CDK18: variants seen among roughly 807,000 people sequenced by gnomAD.
CDK18 encodes cyclin dependent kinase 18, also known as cyclin-dependent kinase 18.
CDK18 carries 52 observed loss-of-function variants against 62.0 expected under a neutral mutation model. That is an observed-to-expected ratio of 0.84 (90% CI 0.67 to 1.06). The LOEUF (loss-of-function observed/expected upper bound fraction) is 1.06, where lower values mean the gene tolerates loss of function less well. CDK18 is among the 50% of genes least tolerant of loss of function. The pLI, the probability that CDK18 is intolerant of heterozygous loss-of-function variation, is 0.00. For synonymous variants in CDK18, 237 were observed against 247.0 expected (o/e 0.96, Z 0.38); for missense variants, 604 against 619.9 (o/e 0.97, Z 0.27).
chr1:205,522,364 G>T (rs887729424), intron 1 of CDK18: 1 of 152,130 alleles, frequency 6.6e-6, no homozygotes, highest in Non-Finnish European at 1.5e-5. Flanking sequence ...GGCCTGCAGG[G>T]ATCAAGCCTC....
chr1:205,530,509 G>C, intron 14 of CDK18, 119 bp from the exon 15 acceptor site: 1 of 1,207,574 alleles, frequency 8.3e-7, no homozygotes, highest in Non-Finnish European at 1.2e-6. Context: ...TCCAAATTGA[G>C]GGGGCAAACA....
At chr1:205,531,237 C>T (rs1668720576) in intron 15 of CDK18, 107 bp from the exon 16 acceptor site, 1 of 1,000,308 alleles carries the variant, frequency 1.0e-6, no homozygotes. Flanking sequence ...CATGCCCTTG[C>T]TTGCTCTGTC....
chr1:205,506,682 G>A (rs1241851623), intron 1 of CDK18, among the ~76,000 whole-genome samples: 1 of 152,214 alleles, frequency 6.6e-6, no homozygotes, highest in Non-Finnish European at 1.5e-5. Context: ...CCAAGCCCCT[G>A]CTGTTAACCC....
chr1:205,513,375 C>A (rs1667661055), intron 1 of CDK18, among the ~76,000 whole-genome samples: 1 of 152,212 alleles, frequency 6.6e-6, no homozygotes, highest in Admixed American at 6.5e-5. Flanking sequence ...ACGCCCAGGA[C>A]CAGAACTGAC....
intron 1 of CDK18, among the ~76,000 whole-genome samples, chr1:205,507,208 A>T (rs1667349051): frequency 1.3e-5 from 2 of 152,154 alleles, no homozygotes; most frequent in African/African-American, 4.8e-5. Flanking sequence ...GGGAGGGCAA[A>T]CTTCTGGCCT....
At chr1:205,529,711 A>G in intron 13 of CDK18, 148 bp downstream of exon 13, 1 of 1,543,144 alleles carries the variant, frequency 6.5e-7, no homozygotes, top group Non-Finnish European at 8.7e-7. Flanking sequence ...CCCAAGGCCA[A>G]GGGGTGGCCT....
At chr1:205,518,895 G>A (rs1667969195) in intron 1 of CDK18, among the ~76,000 whole-genome samples, 1 of 152,188 alleles carries the variant, frequency 6.6e-6, no homozygotes, top group Admixed American at 6.5e-5. Context: ...TGAGCTTTAT[G>A]ACTTACCTGG....
At chr1:205,526,033 G>C (rs769852951) in intron 5 of CDK18, 32 bp from the exon 6 acceptor site, 1 of 1,532,896 alleles carries the variant, frequency 6.5e-7, no homozygotes, top group Non-Finnish European at 9.0e-7. Context: ...GCACCTGAAT[G>C]CGCCTGGGGC....
chr1:205,506,100 C>A (rs967276891), intron 1 of CDK18, among the ~76,000 whole-genome samples: 1 of 152,210 alleles, frequency 6.6e-6, no homozygotes, highest in East Asian at 1.9e-4. Context: ...TGGACTGGCA[C>A]GTCCTCAGAG....
Position 205,523,189 on chromosome 1 carries a change from A to T in CDK18, c.22A>T (p.Asn8Tyr). 6.2e-7 allele frequency: 1 copy of T among 1,612,820 alleles called. No homozygotes were observed. The highest frequency in any genetic ancestry group is 1.1e-5 in the South Asian group (1 of 90,926). MIMNKMK[N>Y]FKRRFSLSVP... is the part of the protein sequence containing the mutation. ...CCTCATGATCATGAACAAGATGAAG[A>T]ACTTTAAGCGCCGTTTCTCCCTGTC... Residue 8 changes from asparagine (N) to tyrosine (Y), a missense_variant, in exon 2 of 16, where the codon AAC becomes TAC. Coordinates refer to ENST00000429964, the MANE Select transcript of CDK18 (RefSeq NM_212502.3).
intron 1 of CDK18, among the ~76,000 whole-genome samples, chr1:205,512,207 G>T (rs554852281): frequency 6.6e-6 from 1 of 152,204 alleles, no homozygotes; most frequent in East Asian, 1.9e-4. Context: ...TTTCCACTTC[G>T]GGAGGGGATG....
At chr1:205,518,876 G>A (rs1667967583) in intron 1 of CDK18, among the ~76,000 whole-genome samples, 1 of 152,210 alleles carries the variant, frequency 6.6e-6, no homozygotes, top group Non-Finnish European at 1.5e-5. Context: ...AGAAGCAACT[G>A]GAGCTGGCTG....
chr1:205,527,157 G>A lies in CDK18; in HGVS notation c.729+320G>A, dbSNP rs768728549. 6 of 373,730 alleles carry A rather than the reference G, an allele frequency of 1.6e-5. No individual in the cohort carries two copies. The highest frequency in any genetic ancestry group is 4.0e-5 in the South Asian group (1 of 25,022). 23.2% of individuals were successfully genotyped at this position (373,730 alleles called of 1,614,324 possible). A position where few individuals can be genotyped will look rare whatever the true frequency, so the allele number is the denominator to read the frequency against. The stretch of plus-strand genomic sequence containing the variant: ...TGCAGGGAGGCTTCTGGGGAAGCTC[G>A]GGGTTATGAATGACCTCTCCTGGTG... On this transcript the variant is annotated intron_variant, in intron 8 of 15. Transcript: ENST00000429964. This position sits in a 1 kb window ranked among gnomAD's most constrained non-coding sequence, Gnocchi z 4.1.
rs141040805 is a variant in CDK18 at position 205,517,207 on chromosome 1, C to T, written c.-21-5940C>T. Among the ~76,000 whole-genome samples the T allele has an allele frequency of 9.2e-5, 14 of 152,288 alleles. No individual in the cohort carries two copies. Among genetic ancestry groups the T allele is most frequent in the East Asian group, 3.9e-4 (2 of 5,188 alleles). ...AGTAGCCGGGGTTCCCTGCCTTGCA[C>T]GGGCCCCACCCTGCGTGGCCCTGCA... On this transcript the variant is annotated intron_variant, in intron 1 of 15. Coordinates refer to ENST00000429964, the MANE Select transcript of CDK18 (RefSeq NM_212502.3). The surrounding 1 kb of genome is among the most constrained non-coding windows in gnomAD (Gnocchi z 4.1).
At position 205,528,152 on chromosome 1, in the gene CDK18, AC is replaced by A. The variant is rs1363445424; in HGVS notation, c.963del (p.Ile322LeufsTer47). 1.2e-6 allele frequency: 2 copies of A among 1,613,326 alleles called. No individual in the cohort carries two copies. Among genetic ancestry groups the A allele is most frequent in the Non-Finnish European group, 1.7e-6 (2 of 1,179,914 alleles). On this transcript the variant is annotated frameshift_variant, in exon 10 of 16. Coordinates refer to ENST00000429964, the MANE Select transcript of CDK18 (RefSeq NM_212502.3). LOFTEE classifies it high-confidence loss of function. The surrounding 1 kb of genome is among the most constrained non-coding windows in gnomAD (Gnocchi z 4.2). ...DVLLGSTEYS[T>X]PIDMWGVGCI... ...GCTGCTGGGATCCACAGAGTACTCC[AC>A]CCCCATTGATATGTGGTGAGTGAGC...
intron 11 of CDK18, 21 bp from the exon 12 acceptor site, chr1:205,529,303 C>T (rs767332523): frequency 6.2e-7 from 1 of 1,603,980 alleles, no homozygotes; most frequent in Admixed American, 1.7e-5. Flanking sequence ...AGGCCCTCCC[C>T]ACCCTCTCTC....
At chr1:205,511,996 C>T (rs997525064) in intron 1 of CDK18, among the ~76,000 whole-genome samples, 7 of 152,136 alleles carry the variant, frequency 4.6e-5, no homozygotes, top group Non-Finnish European at 8.8e-5. Context: ...AGAAGTTGCA[C>T]TGAGCCAAGA....
At chr1:205,521,905 C>G (rs539966611) in intron 1 of CDK18, among the ~76,000 whole-genome samples, 2 of 152,338 alleles carry the variant, frequency 1.3e-5, no homozygotes, top group Admixed American at 1.3e-4. Context: ...TGGGCTGTGC[C>G]TGGTGCTGGT....
At chr1:205,508,497 G>T (rs923223377) in intron 1 of CDK18, among the ~76,000 whole-genome samples, 3 of 152,208 alleles carry the variant, frequency 2.0e-5, no homozygotes, top group African/African-American at 7.2e-5. Context: ...GCGCATCTCC[G>T]CCAGACCTCC....
Sources: allele counts gnomAD v4.1 joint callset (sites outside exome capture counted in the v4.1 genomes callset), GRCh38; gene constraint gnomAD v4.1.1; non-coding constraint Gnocchi (gnomAD v3.1); transcripts MANE v1.5; gene names NCBI Gene and HGNC (gene_info 2026-07-23, HGNC 2026-07-21).